The following LRRC28 variants were observed in gnomAD, a reference collection of about 807,000 sequenced individuals.
LRRC28 encodes the protein leucine rich repeat containing 28, also known as leucine-rich repeat-containing protein 28.
In LRRC28, 39 loss-of-function variants were observed where a neutral mutation model predicts 45.7. The observed-to-expected ratio is 0.85, with a 90% CI of 0.66 to 1.12. LRRC28 has a LOEUF of 1.12. Among genes scored for constraint, LRRC28 ranks in the 50% most tolerant of loss-of-function variants. LRRC28 has a pLI of 0.00. For synonymous variants in LRRC28, 206 were observed against 178.8 expected (o/e 1.15, Z -1.22); for missense variants, 435 against 438.5 (o/e 0.99, Z 0.07).
At chr15:99,364,433 T>C (rs1012247233) in intron 9 of LRRC28, among the ~76,000 whole-genome samples, 5 of 152,222 alleles carry the variant, frequency 3.3e-5, no homozygotes, top group African/African-American at 1.2e-4. Context: ...TCTTCTGTAT[T>C]TTTAATGTTT....
At chr15:99,325,864 T>C (rs185181422) in intron 5 of LRRC28, among the ~76,000 whole-genome samples, 21 of 152,262 alleles carry the variant, frequency 1.4e-4, no homozygotes, top group Non-Finnish European at 2.4e-4. Flanking sequence ...AGGGCAGAGT[T>C]TGGGGCAGGG....
chr15:99,387,205 C>A lies in LRRC28; in HGVS notation c.*1103C>A, dbSNP rs555268970. On this transcript the variant is annotated 3_prime_UTR_variant, in exon 10 of 10. Transcript: ENST00000301981. The stretch of plus-strand genomic sequence containing the variant: ...CCTCCCAAGTAGCTGGGACCACAGG[C>A]GCCCGCCACCACGCCCGGCTAATTT... 2.1e-5 allele frequency: 3 copies of A among 144,378 alleles called. No homozygotes were observed. The highest frequency in any genetic ancestry group is 2.6e-5 in the African/African-American group (1 of 39,150). 8.9% of individuals were successfully genotyped at this position (144,378 alleles called of 1,614,324 possible). A position where few individuals can be genotyped will look rare whatever the true frequency, so the allele number is the denominator to read the frequency against.
chr15:99,388,676 A>T lies in LRRC28; in HGVS notation c.*2574A>T, dbSNP rs1314823731. The T allele has an allele frequency of 6.6e-6, 1 of 152,258 alleles. No homozygotes were observed. Among genetic ancestry groups the T allele is most frequent in the African/African-American group, 2.4e-5 (1 of 41,470 alleles). 9.4% of individuals were successfully genotyped at this position (152,258 alleles called of 1,614,324 possible). On this transcript the variant is annotated 3_prime_UTR_variant, in exon 10 of 10. Coordinates refer to ENST00000301981, the MANE Select transcript of LRRC28 (RefSeq NM_144598.5). ...AATTGTGTCCAAAGCTTTGCAGAAAAGCAAATCTGAAGTTATTATATATGT... is the reference window on the plus strand; with the variant it reads ...AATTGTGTCCAAAGCTTTGCAGAAATGCAAATCTGAAGTTATTATATATGT...
chr15:99,346,830 C>T (rs1956698282), intron 6 of LRRC28, among the ~76,000 whole-genome samples: 1 of 151,938 alleles, frequency 6.6e-6, no homozygotes, highest in Admixed American at 6.6e-5. Flanking sequence ...ACACATTTTT[C>T]CTTTCCAAAT....
At chr15:99,267,604 T>C (rs2081365519) in intron 2 of LRRC28, among the ~76,000 whole-genome samples, 1 of 152,192 alleles carries the variant, frequency 6.6e-6, no homozygotes, top group Non-Finnish European at 1.5e-5. Flanking sequence ...TGGAAATATG[T>C]GAGTATATCA....
chr15:99,312,048 A>G (rs1314997814), intron 5 of LRRC28, among the ~76,000 whole-genome samples: 7 of 152,188 alleles, frequency 4.6e-5, no homozygotes, highest in African/African-American at 1.4e-4. Context: ...CTCAAGAATT[A>G]TAGCTAAAAA....
chr15:99,297,916 G>A (rs546042443), intron 5 of LRRC28, among the ~76,000 whole-genome samples: 1 of 152,056 alleles, frequency 6.6e-6, no homozygotes, highest in Admixed American at 6.5e-5. Context: ...AAAAGGTTTT[G>A]TTTTCTGAAC....
At chr15:99,255,434 G>C (rs1266807311) in intron 1 of LRRC28, among the ~76,000 whole-genome samples, 1 of 151,924 alleles carries the variant, frequency 6.6e-6, no homozygotes, top group Admixed American at 6.6e-5. Flanking sequence ...TTATATATTA[G>C]GAAGTGAAGA....
rs1958130370 is a variant in LRRC28 at position 99,389,797 on chromosome 15, T to C, written c.*3695T>C. 3.9e-5 allele frequency: 6 copies of C among 152,188 alleles called. No homozygotes were observed. The highest frequency in any genetic ancestry group is 3.9e-4 in the Admixed American group (6 of 15,274). 9.4% of individuals were successfully genotyped at this position (152,188 alleles called of 1,614,324 possible). ...AAACAAAGGGGGTTTTTATAAAGTTTGTATTTTTGAAACTAGCTCTATGTC... is the reference window on the plus strand; with the variant it reads ...AAACAAAGGGGGTTTTTATAAAGTTCGTATTTTTGAAACTAGCTCTATGTC... On this transcript the variant is annotated 3_prime_UTR_variant, in exon 10 of 10. Coordinates refer to ENST00000301981, the MANE Select transcript of LRRC28 (RefSeq NM_144598.5).
intron 2 of LRRC28, among the ~76,000 whole-genome samples, chr15:99,271,801 G>A (rs2081487661): frequency 1.3e-5 from 2 of 152,188 alleles, no homozygotes; most frequent in African/African-American, 4.8e-5. Flanking sequence ...GTTTGACCAT[G>A]TTGGTCGGGC....
chr15:99,257,211 A>G lies in LRRC28; in HGVS notation c.168+1086A>G, dbSNP rs1352872408. Among the ~76,000 whole-genome samples, 3 of 152,352 alleles carry G rather than the reference A, an allele frequency of 2.0e-5. 1 individual carries two copies. The highest frequency in any genetic ancestry group is 4.1e-4 in the South Asian group (2 of 4,820). Reference sequence around the variant, plus strand: ...TTTTGTGATTGGCATATTGGCATATATGTTGAATGCCTACTTATATTTCTG... The same window carrying G: ...TTTTGTGATTGGCATATTGGCATATGTGTTGAATGCCTACTTATATTTCTG... On this transcript the variant is annotated intron_variant, in intron 2 of 9. Coordinates refer to ENST00000301981, the MANE Select transcript of LRRC28 (RefSeq NM_144598.5).
At chr15:99,368,448 C>A (rs559091004) in intron 9 of LRRC28, among the ~76,000 whole-genome samples, 1 of 152,270 alleles carries the variant, frequency 6.6e-6, no homozygotes, top group African/African-American at 2.4e-5. Flanking sequence ...TAAGAATAAT[C>A]CTCTTTGGCT....
intron 5 of LRRC28, among the ~76,000 whole-genome samples, chr15:99,295,361 T>A (rs1272890190): frequency 6.6e-6 from 1 of 152,266 alleles, no homozygotes; most frequent in East Asian, 1.9e-4. Context: ...TGACATTTTG[T>A]AATTTGATTG....
chr15:99,262,220 A>G (rs949095881), intron 2 of LRRC28, among the ~76,000 whole-genome samples: 13 of 152,020 alleles, frequency 8.6e-5, no homozygotes, highest in Admixed American at 8.5e-4. Flanking sequence ...ATGTATGTGT[A>G]TGTTTATATT....
chr15:99,331,991 G>A (rs1288575284), intron 5 of LRRC28: 1 of 152,200 alleles, frequency 6.6e-6, no homozygotes, highest in Non-Finnish European at 1.5e-5. Context: ...AATGGCAGAG[G>A]CCTTGTCTCA....
At chr15:99,256,165 A>G (rs1215299391) in intron 2 of LRRC28, 40 bp downstream of exon 2, 5 of 1,527,300 alleles carry the variant, frequency 3.3e-6, no homozygotes, top group African/African-American at 1.4e-5. Flanking sequence ...TTATTTATAC[A>G]TGTGGTCCTG....
chr15:99,317,065 C>T (rs1484773914), intron 5 of LRRC28, among the ~76,000 whole-genome samples: 1 of 150,522 alleles, frequency 6.6e-6, no homozygotes. Context: ...TGATAATAGT[C>T]AGAGCCTCAT....
At chr15:99,284,482 C>G in intron 3 of LRRC28, 1 of 448,854 alleles carries the variant, frequency 2.2e-6, no homozygotes, top group Non-Finnish European at 4.4e-6. Context: ...GAGTATTTGT[C>G]TAAACCATGT....
chr15:99,380,205 A>T (rs1217140097), intron 9 of LRRC28, among the ~76,000 whole-genome samples: 1 of 152,194 alleles, frequency 6.6e-6, no homozygotes, highest in Non-Finnish European at 1.5e-5. Flanking sequence ...TACTTGCTTT[A>T]TGAATCTGGG....
Sources: gnomAD v4.1 joint callset for allele counts (sites outside exome capture counted in the v4.1 genomes callset) on GRCh38, gnomAD v4.1.1 for gene constraint, MANE v1.5 for transcripts, NCBI Gene and HGNC (gene_info 2026-07-23, HGNC 2026-07-21) for gene names.